Variants in POFUT3 observed in about 807,000 individuals in gnomAD.
POFUT3 encodes GDP-fucose protein O-fucosyltransferase 3.
At chr8:33,336,049 T>C in the POFUT3 span, among the ~76,000 whole-genome samples, 5 of 152,206 alleles carry the variant, frequency 3.3e-5, no homozygotes, top group African/African-American at 1.2e-4. Context: ...AACTGTCGTG[T>C]TGAATACTGA....
chr8:33,397,705 C>T, the POFUT3 span, among the ~76,000 whole-genome samples: 1 of 152,186 alleles, frequency 6.6e-6, no homozygotes, highest in Non-Finnish European at 1.5e-5. Flanking sequence ...TTAAAGACCA[C>T]ATACAGATGT....
the POFUT3 span, among the ~76,000 whole-genome samples, chr8:33,331,498 T>G: frequency 6.6e-6 from 1 of 152,126 alleles, no homozygotes; most frequent in Non-Finnish European, 1.5e-5. Flanking sequence ...GATGGAGGTT[T>G]GGCCTATGCA....
chr8:33,419,991 G>A, the POFUT3 span, among the ~76,000 whole-genome samples: 1 of 151,952 alleles, frequency 6.6e-6, no homozygotes, highest in African/African-American at 2.4e-5. Flanking sequence ...AGCCAGGTGT[G>A]GTGGCACACT....
chr8:33,443,648 A>C, the POFUT3 span, among the ~76,000 whole-genome samples: 1 of 152,070 alleles, frequency 6.6e-6, no homozygotes, highest in African/African-American at 2.4e-5. Context: ...GCCTGCCACC[A>C]TGCCTGGCTA....
the POFUT3 span, among the ~76,000 whole-genome samples, chr8:33,456,744 G>T: frequency 7.3e-5 from 11 of 150,728 alleles, no homozygotes; most frequent in South Asian, 2.1e-4. Flanking sequence ...AAAAAGTGGG[G>T]CAGAAAAGCC....
the POFUT3 span, among the ~76,000 whole-genome samples, chr8:33,363,672 G>C: frequency 6.6e-6 from 1 of 152,156 alleles, no homozygotes; most frequent in Non-Finnish European, 1.5e-5. Context: ...AAATCTAGAA[G>C]AAATGGATAA....
chr8:33,452,042 C>CA, the POFUT3 span: 1 of 151,710 alleles, frequency 6.6e-6, no homozygotes, highest in East Asian at 1.9e-4. Context: ...ACAGCCAAAC[C>CA]ATATCAGTAT....
the POFUT3 span, among the ~76,000 whole-genome samples, chr8:33,340,523 C>T: frequency 5.9e-5 from 9 of 151,916 alleles, no homozygotes; most frequent in South Asian, 8.3e-4. Context: ...CCCAACTACA[C>T]GCTGCCCATA....
the POFUT3 span, among the ~76,000 whole-genome samples, chr8:33,444,415 G>A: frequency 3.3e-5 from 5 of 152,094 alleles, no homozygotes; most frequent in Admixed American, 2.0e-4. Flanking sequence ...TGGGCAGAAC[G>A]TGTGTGCTCG....
At chr8:33,390,205 TACACAC>T in the POFUT3 span, among the ~76,000 whole-genome samples, 10 of 145,786 alleles carry the variant, frequency 6.9e-5, no homozygotes, top group African/African-American at 2.6e-4. Context: ...GTGTGTGTCA[TACACAC>T]ACACACACAC....
At chr8:33,422,472 G>A in the POFUT3 span, among the ~76,000 whole-genome samples, 215 of 146,686 alleles carry the variant, frequency 1.5e-3, 1 homozygote, top group African/African-American at 5.1e-3. Flanking sequence ...TTGAACCCAG[G>A]AGGCAGAGGT....
chr8:33,411,105 A>G, the POFUT3 span, among the ~76,000 whole-genome samples: 1 of 152,216 alleles, frequency 6.6e-6, no homozygotes, highest in African/African-American at 2.4e-5. Context: ...GATCAGGAAA[A>G]ATAATGGCAC....
the POFUT3 span, among the ~76,000 whole-genome samples, chr8:33,437,270 T>C: frequency 6.6e-6 from 1 of 152,024 alleles, no homozygotes; most frequent in African/African-American, 2.4e-5. Context: ...ATCACTTCCC[T>C]TCCCCCTCAC....
At chr8:33,314,019 T>C in the POFUT3 span, among the ~76,000 whole-genome samples, 1 of 152,164 alleles carries the variant, frequency 6.6e-6, no homozygotes, top group Non-Finnish European at 1.5e-5. Flanking sequence ...TAGGTATCCT[T>C]TGTGCTCCCT....
the POFUT3 span, among the ~76,000 whole-genome samples, chr8:33,309,155 AAAAAAAAAAAAAAT>A: frequency 1.3e-4 from 6 of 45,912 alleles, no homozygotes; most frequent in South Asian, 1.4e-3. Flanking sequence ...AAAAAAAAAA[AAAAAAAAAAAAAAT>A]ATATATATAT....
the POFUT3 span, among the ~76,000 whole-genome samples, chr8:33,310,208 C>T: frequency 1.3e-5 from 2 of 152,124 alleles, no homozygotes; most frequent in East Asian, 1.9e-4. Flanking sequence ...TGCCACACCA[C>T]TCACAGCTGC....
the POFUT3 span, among the ~76,000 whole-genome samples, chr8:33,447,449 A>C: frequency 1.3e-5 from 1 of 75,048 alleles, no homozygotes; most frequent in Admixed American, 1.1e-4. Context: ...ACTCCATCTC[A>C]AAGGAAAAAA....
At chr8:33,430,981 C>A in the POFUT3 span, among the ~76,000 whole-genome samples, 2 of 152,190 alleles carry the variant, frequency 1.3e-5, no homozygotes, top group Middle Eastern at 3.4e-3. Context: ...ACCCCAGAGC[C>A]CCCTCAGCCT....
At chr8:33,350,034 C>A in the POFUT3 span, among the ~76,000 whole-genome samples, 7 of 152,042 alleles carry the variant, frequency 4.6e-5, no homozygotes, top group East Asian at 1.4e-3. Flanking sequence ...TTTGCATTTC[C>A]CTGATATTTA....
Sources: gnomAD v4.1 joint callset for allele counts (sites outside exome capture counted in the v4.1 genomes callset) on GRCh38, gnomAD v4.1.1 for gene constraint, MANE v1.5 for transcripts, NCBI Gene and HGNC (gene_info 2026-07-23, HGNC 2026-07-21) for gene names.